Variants in ZNF423 observed in about 807,000 individuals in gnomAD.
The protein encoded by ZNF423 is Ebf-associated zinc finger protein.
A neutral mutation model predicts 95.8 loss-of-function variants in ZNF423; 12 were observed. The ratio of observed to expected loss-of-function variants is 0.13; its 90% CI spans 0.08 to 0.20. The LOEUF (loss-of-function observed/expected upper bound fraction) is 0.20. ZNF423 is among the 10% of genes least tolerant of loss of function. The pLI, the probability that ZNF423 is intolerant of heterozygous loss-of-function variation, is 1.00. For missense variants in ZNF423, 1,316 were observed against 1,737.1 expected (o/e 0.76, Z 4.31); for synonymous variants, 749 against 711.9 (o/e 1.05, Z -0.83).
intron 5 of ZNF423, among the ~76,000 whole-genome samples, chr16:49,573,914 G>T (rs1970420260): frequency 6.6e-6 from 1 of 152,168 alleles, no homozygotes; most frequent in Non-Finnish European, 1.5e-5. Flanking sequence ...CTAGATCAGG[G>T]ATGCGTACAT....
At chr16:49,761,874 G>A (rs1300127748) in intron 2 of ZNF423, among the ~76,000 whole-genome samples, 2 of 152,232 alleles carry the variant, frequency 1.3e-5, no homozygotes, top group Admixed American at 1.3e-4. Context: ...CTGGAATGCA[G>A]TGGCACGATC....
chr16:49,725,448 T>C (rs1314264332), intron 3 of ZNF423, among the ~76,000 whole-genome samples: 1 of 152,180 alleles, frequency 6.6e-6, no homozygotes, highest in Non-Finnish European at 1.5e-5. Context: ...GTGATTGTTA[T>C]AAAGACTAGG....
At chr16:49,667,578 T>C (rs1478906924) in intron 3 of ZNF423, among the ~76,000 whole-genome samples, 5 of 152,212 alleles carry the variant, frequency 3.3e-5, no homozygotes, top group South Asian at 2.1e-4. Context: ...GTTATCTCCA[T>C]GTCACAGAAA....
chr16:49,492,843 G>A lies in ZNF423; in HGVS notation c.3850-1539C>T, dbSNP rs1021862700. Reference sequence around the variant, plus strand: ...GGAAGGCAAAAATTACAGGCCCAAGGTCACCCAGGTTGGAAGCACCGGGCA... The same window carrying A: ...GGAAGGCAAAAATTACAGGCCCAAGATCACCCAGGTTGGAAGCACCGGGCA... On this transcript the variant is annotated intron_variant, in intron 7 of 7. Transcript: ENST00000563137. The surrounding 1 kb of genome is among the most constrained non-coding windows in gnomAD (Gnocchi z 4.2). 2.0e-5 allele frequency among the ~76,000 whole-genome samples: 3 copies of A among 152,168 alleles called. No homozygotes were observed. Among genetic ancestry groups the A allele is most frequent in the Non-Finnish European group, 1.5e-5 (1 of 68,030 alleles).
intron 5 of ZNF423, among the ~76,000 whole-genome samples, chr16:49,550,259 T>A (rs1006923447): frequency 2.0e-5 from 3 of 152,258 alleles, no homozygotes; most frequent in African/African-American, 7.2e-5. Context: ...GCAAGTTTCA[T>A]GGAACCACGT....
At chr16:49,561,671 T>C (rs1317718084) in intron 5 of ZNF423, among the ~76,000 whole-genome samples, 5 of 152,224 alleles carry the variant, frequency 3.3e-5, no homozygotes, top group Non-Finnish European at 7.3e-5. Flanking sequence ...TGCACTTGTA[T>C]TTTCTTCCAG....
chr16:49,773,459 G>A (rs1272956810), intron 2 of ZNF423, among the ~76,000 whole-genome samples: 2 of 152,166 alleles, frequency 1.3e-5, no homozygotes, highest in African/African-American at 4.8e-5. Flanking sequence ...GGGGATTTGG[G>A]GGATTACAAT....
At chr16:49,542,886 C>T (rs1227369227) in intron 5 of ZNF423, among the ~76,000 whole-genome samples, 1 of 152,150 alleles carries the variant, frequency 6.6e-6, no homozygotes, top group Non-Finnish European at 1.5e-5. Context: ...CAGAGCACCC[C>T]GTGGCCCCCA....
intron 1 of ZNF423, among the ~76,000 whole-genome samples, chr16:49,806,906 A>T (rs2034672580): frequency 6.6e-6 from 1 of 152,068 alleles, no homozygotes; most frequent in Non-Finnish European, 1.5e-5. Flanking sequence ...GCACGTCTGT[A>T]ATCCCAGCTA....
At chr16:49,808,226 T>C (rs1391076118) in intron 1 of ZNF423, among the ~76,000 whole-genome samples, 1 of 152,018 alleles carries the variant, frequency 6.6e-6, no homozygotes, top group Non-Finnish European at 1.5e-5. Context: ...CACACCTACC[T>C]AATTTTTTAA....
At chr16:49,540,235 C>A (rs755333103) in intron 5 of ZNF423, among the ~76,000 whole-genome samples, 1 of 152,200 alleles carries the variant, frequency 6.6e-6, no homozygotes, top group Non-Finnish European at 1.5e-5. Context: ...TAAGTACCTC[C>A]AGTCACAGCA....
At chr16:49,727,844 C>T (rs2033065634) in intron 3 of ZNF423, among the ~76,000 whole-genome samples, 3 of 152,232 alleles carry the variant, frequency 2.0e-5, no homozygotes, top group African/African-American at 4.8e-5. Context: ...GCGGCCCTCT[C>T]GGACACGGTC....
At chr16:49,858,352 C>T (rs1001712518), upstream of ZNF423, among the ~76,000 whole-genome samples, 1 of 151,802 alleles carries the variant, frequency 6.6e-6, no homozygotes, top group African/African-American at 2.4e-5. The surrounding 1 kb of genome is among the most constrained non-coding windows in gnomAD (Gnocchi z 4.3). Context: ...CCCTGCTCGC[C>T]AACCCCGTGC....
chr16:49,704,530 C>T (rs866292303), intron 3 of ZNF423, among the ~76,000 whole-genome samples: 1 of 152,206 alleles, frequency 6.6e-6, no homozygotes, highest in African/African-American at 2.4e-5. Context: ...CCCTCACCCC[C>T]AAGACTGTGA....
At chr16:49,672,661 C>T (rs2151927176) in intron 3 of ZNF423, among the ~76,000 whole-genome samples, 1 of 152,148 alleles carries the variant, frequency 6.6e-6, no homozygotes, top group East Asian at 1.9e-4. Context: ...ACTAAAAATA[C>T]AAAAATTAGC....
intron 3 of ZNF423, among the ~76,000 whole-genome samples, chr16:49,729,572 T>A (rs1405316043): frequency 6.6e-6 from 1 of 151,836 alleles, no homozygotes. Context: ...ATATCACAAA[T>A]TCCAAATGAC....
intron 7 of ZNF423, among the ~76,000 whole-genome samples, chr16:49,494,283 C>T (rs1020985050): frequency 5.3e-5 from 8 of 152,242 alleles, no homozygotes; most frequent in Non-Finnish European, 1.0e-4. Context: ...CTAGAGGGTT[C>T]TGAGACAGAA....
At chr16:49,816,049 G>A (rs1015890052) in intron 1 of ZNF423, among the ~76,000 whole-genome samples, 1 of 150,094 alleles carries the variant, frequency 6.7e-6, no homozygotes, top group Non-Finnish European at 1.5e-5. Flanking sequence ...CTCCTGGGTA[G>A]CTGGAATTAC....
rs983749004 is a variant in ZNF423 at position 49,699,911 on chromosome 16, T to C, written c.301+30860A>G. 5.3e-5 allele frequency among the ~76,000 whole-genome samples: 8 copies of C among 151,426 alleles called. No individual in the cohort carries two copies. In the East Asian group the frequency reaches 1.4e-3, roughly 26 times the overall value. On this transcript the variant is annotated intron_variant, in intron 3 of 7. Coordinates refer to ENST00000563137, the MANE Select transcript of ZNF423 (RefSeq NM_001379286.1). ...TCCAAGAGGGAGGAGGACAGAAAAATAGTGGACCCCACCCCACAGCAGCTC... is the reference window on the plus strand; with the variant it reads ...TCCAAGAGGGAGGAGGACAGAAAAACAGTGGACCCCACCCCACAGCAGCTC...
Sources: allele counts gnomAD v4.1 joint callset (sites outside exome capture counted in the v4.1 genomes callset), GRCh38; gene constraint gnomAD v4.1.1; non-coding constraint Gnocchi (gnomAD v3.1); transcripts MANE v1.5; gene names NCBI Gene and HGNC (gene_info 2026-07-23, HGNC 2026-07-21).